Variants in SEPTIN9 observed in about 807,000 individuals in gnomAD.
SEPTIN9 encodes septin 9.
In SEPTIN9, 13 loss-of-function variants were observed where a neutral mutation model predicts 56.6. The observed-to-expected ratio is 0.23, with a 90% CI of 0.15 to 0.37. The LOEUF (loss-of-function observed/expected upper bound fraction) is 0.37. Among genes scored for constraint, SEPTIN9 ranks in the 10% least tolerant of loss-of-function variants. The pLI is 1.00. For missense variants in SEPTIN9, 650 were observed against 823.1 expected (o/e 0.79, Z 2.57); for synonymous variants, 332 against 334.1 (o/e 0.99, Z 0.07).
chr17:77,342,898 C>T (rs915161798), intron 2 of SEPTIN9, among the ~76,000 whole-genome samples: 11 of 152,004 alleles, frequency 7.2e-5, no homozygotes, highest in Non-Finnish European at 1.2e-4. Flanking sequence ...AGTTTGAGCC[C>T]GGGAAGGCAG....
intron 3 of SEPTIN9, among the ~76,000 whole-genome samples, chr17:77,415,283 C>T (rs57384366): frequency 0.017 from 2,546 of 152,108 alleles, 63 homozygotes; most frequent in African/African-American, 0.058. Flanking sequence ...GTTCCCTGGG[C>T]GGATCTCCAT....
chr17:77,372,925 CTTTG>C (rs1283988193), intron 2 of SEPTIN9, among the ~76,000 whole-genome samples: 5 of 152,206 alleles, frequency 3.3e-5, no homozygotes, highest in Admixed American at 6.5e-5. Context: ...TGACAGAGAA[CTTTG>C]TTTGGCTGCC....
At chr17:77,401,480 G>T (rs560105438) in intron 2 of SEPTIN9, among the ~76,000 whole-genome samples, 6 of 152,088 alleles carry the variant, frequency 3.9e-5, no homozygotes, top group East Asian at 1.9e-4. Flanking sequence ...GCACGGTGGC[G>T]CACGCCTGTA....
At chr17:77,446,203 G>T (rs376088032) in intron 3 of SEPTIN9, 2 of 167,082 alleles carry the variant, frequency 1.2e-5, no homozygotes, top group African/African-American at 4.8e-5. Flanking sequence ...CAGTCTCACC[G>T]GACTAAAGTC....
intron 2 of SEPTIN9, chr17:77,380,275 A>ATGCCCGCCCCCCCCCTCCCC (rs1568025309): frequency 2.5e-5 from 1 of 40,372 alleles, no homozygotes; most frequent in Admixed American, 2.4e-4. Flanking sequence ...CCCCCCACCC[A>ATGCCCGCCCCCCCCCTCCCC]TGCCTGCCTC....
At position 77,490,796 on chromosome 17, in the gene SEPTIN9, C is replaced by T. The variant is rs779621770; in HGVS notation, c.1317C>T (p.Ile439=). The T allele has an allele frequency of 2.1e-5, 33 of 1,595,658 alleles. No individual in the cohort carries two copies. Among genetic ancestry groups the T allele is most frequent in the Middle Eastern group, 1.7e-4 (1 of 6,060 alleles). Residue 439 remains isoleucine (I), a synonymous_variant, in exon 8 of 12, where the codon ATC becomes ATT. Coordinates refer to ENST00000427177, the MANE Select transcript of SEPTIN9 (RefSeq NM_001113491.2). Reference sequence around the variant, plus strand: ...AACGCCTGAGCAAGGTGGTCAACATCGTCCCTGTCATCGCCAAGGCGGACA... The same window carrying T: ...AACGCCTGAGCAAGGTGGTCAACATTGTCCCTGTCATCGCCAAGGCGGACA... ...FMKRLSKVVN[I]VPVIAKADTL...
intron 2 of SEPTIN9, among the ~76,000 whole-genome samples, chr17:77,336,007 GTATACATGTAGGTC>G (rs2033539437): frequency 8.8e-5 from 4 of 45,680 alleles, no homozygotes; most frequent in African/African-American, 2.6e-4. Flanking sequence ...TATATGTACT[GTATACATGTAGGTC>G]CTATGTTGAC....
chr17:77,434,250 G>C lies in SEPTIN9; in HGVS notation c.721+31547G>C, dbSNP rs1354003893. On this transcript the variant is annotated intron_variant, in intron 3 of 11. Transcript: ENST00000427177. The surrounding 1 kb of genome is among the most constrained non-coding windows in gnomAD (Gnocchi z 5.0). ...AGGACTGGCTGGGGTTCTGGCTCCA[G>C]GCCCAGCCCCAGCCCCTGTCAGACT... 6.6e-6 allele frequency among the ~76,000 whole-genome samples: 1 copy of C among 152,080 alleles called. No individual in the cohort carries two copies. Among genetic ancestry groups the C allele is most frequent in the Non-Finnish European group, 1.5e-5 (1 of 67,994 alleles).
intron 3 of SEPTIN9, among the ~76,000 whole-genome samples, chr17:77,462,411 A>C (rs1031927014): frequency 9.2e-5 from 14 of 152,142 alleles, no homozygotes; most frequent in Non-Finnish European, 2.9e-5. Context: ...CAGACTCCCA[A>C]GTAGCTGGGA....
rs149177607 is a variant in SEPTIN9 at position 77,486,752 on chromosome 17, G to A, written c.914-672G>A. 5.1e-4 allele frequency among the ~76,000 whole-genome samples: 78 copies of A among 152,242 alleles called. No homozygotes were observed. The East Asian group carries it at 0.014, about 28-fold the overall frequency. On this transcript the variant is annotated intron_variant, in intron 4 of 11. Transcript: ENST00000427177. ...CGTTTGTCTCAGTCACCTGTGGACT[G>A]GCTGTCTGCACACACGGTCACTGTC...
Position 77,313,594 on chromosome 17 carries a change from G to T in SEPTIN9, c.76+6397G>T, listed in dbSNP as rs2032590867. On this transcript the variant is annotated intron_variant, in intron 2 of 11. Transcript: ENST00000427177. The surrounding 1 kb of genome is among the most constrained non-coding windows in gnomAD (Gnocchi z 4.5). Reference sequence around the variant, plus strand: ...GCTGGGGCCAGCCTGGAGGGTCTTGGCTGGCTCTGCTGGCAGGTACAGTAG... The same window carrying T: ...GCTGGGGCCAGCCTGGAGGGTCTTGTCTGGCTCTGCTGGCAGGTACAGTAG... Among the ~76,000 whole-genome samples the T allele has an allele frequency of 6.6e-6, 1 of 152,212 alleles. No homozygotes were observed. Among genetic ancestry groups the T allele is most frequent in the African/African-American group, 2.4e-5 (1 of 41,450 alleles).
rs999356552 is a variant in SEPTIN9, at chr17:77,405,186, G to A, written c.721+2483G>A. On this transcript the variant is annotated intron_variant, in intron 3 of 11. Coordinates refer to ENST00000427177, the MANE Select transcript of SEPTIN9 (RefSeq NM_001113491.2). The surrounding 1 kb of genome is among the most constrained non-coding windows in gnomAD (Gnocchi z 5.8). ...ATGTACAAGAACATTCTCCTCCAGG[G>A]GCAGACACAGTTTAGCCCCTAAATT... is the stretch of plus-strand genomic sequence containing the variant. 9.5e-6 allele frequency: 14 copies of A among 1,479,934 alleles called. No homozygotes were observed. In the Admixed American group the frequency reaches 2.0e-4, roughly 21 times the overall value. The allele number at this position is 1,479,934 out of a possible 1,614,324, so 91.7% of individuals were successfully genotyped here. A position where few individuals can be genotyped will look rare whatever the true frequency, so the allele number is the denominator to read the frequency against.
In SEPTIN9 at chr17:77,359,108, G is replaced by C. The variant is rs551349415; in HGVS notation, c.77-42951G>C. Among the ~76,000 whole-genome samples, 3 of 152,312 alleles carry C rather than the reference G, an allele frequency of 2.0e-5. No individual in the cohort carries two copies. The East Asian group carries it at 5.8e-4, about 29-fold the overall frequency. The stretch of plus-strand genomic sequence containing the variant: ...TGTCCCTCTTTATTTTTAAGGGCAT[G>C]ACCTGAAAGTTAAACACTTCAGCTC... On this transcript the variant is annotated intron_variant, in intron 2 of 11. Transcript: ENST00000427177.
In SEPTIN9 at chr17:77,373,303, C is replaced by T. The variant is rs554910240; in HGVS notation, c.77-28756C>T. On this transcript the variant is annotated intron_variant, in intron 2 of 11. Coordinates refer to ENST00000427177, the MANE Select transcript of SEPTIN9 (RefSeq NM_001113491.2). ...GCGGGGGCGGGGCGGGGGCGCAGCG[C>T]GCGGGGAGGGGCCGGCGCCCGCCTT... The T allele has an allele frequency of 1.7e-5, 19 of 1,117,312 alleles. No homozygotes were observed. In the Admixed American group the frequency reaches 1.9e-4, roughly 11 times the overall value. 69.2% of individuals were successfully genotyped at this position (1,117,312 alleles called of 1,614,324 possible).
At chr17:77,416,584 G>T (rs1598341228) in intron 3 of SEPTIN9, among the ~76,000 whole-genome samples, 1 of 152,170 alleles carries the variant, frequency 6.6e-6, no homozygotes, top group Non-Finnish European at 1.5e-5. Flanking sequence ...GCGGTGGGAG[G>T]AAGACCTTCC....
intron 3 of SEPTIN9, among the ~76,000 whole-genome samples, chr17:77,480,966 G>A (rs2039432558): frequency 6.6e-6 from 1 of 152,216 alleles, no homozygotes; most frequent in African/African-American, 2.4e-5. Flanking sequence ...GGGACTAGCA[G>A]AGGCACCACC....
At chr17:77,431,525 G>C (rs1484259735) in intron 3 of SEPTIN9, among the ~76,000 whole-genome samples, 1 of 152,056 alleles carries the variant, frequency 6.6e-6, no homozygotes. Flanking sequence ...ACTAAAGATG[G>C]TTTTCTCTGC....
intron 3 of SEPTIN9, among the ~76,000 whole-genome samples, chr17:77,464,101 ACT>A (rs1301352689): frequency 6.6e-6 from 1 of 151,682 alleles, no homozygotes; most frequent in Non-Finnish European, 1.5e-5. Context: ...TTTGAGACGG[ACT>A]CTCTCTGTTG....
At chr17:77,331,292 T>C (rs988579370) in intron 2 of SEPTIN9, among the ~76,000 whole-genome samples, 6 of 152,236 alleles carry the variant, frequency 3.9e-5, no homozygotes, top group Admixed American at 2.6e-4. Context: ...TGGGCCTATG[T>C]CACTGCGTCA....
Sources: allele counts gnomAD v4.1 joint callset (sites outside exome capture counted in the v4.1 genomes callset), GRCh38; gene constraint gnomAD v4.1.1; non-coding constraint Gnocchi (gnomAD v3.1); transcripts MANE v1.5; gene names NCBI Gene and HGNC (gene_info 2026-07-23, HGNC 2026-07-21).